FAM181B: variants seen among roughly 807,000 people sequenced by gnomAD.
FAM181B encodes the protein protein FAM181B.
Under a neutral mutation model 17.8 loss-of-function variants are expected in FAM181B, and 13 were observed. The observed-to-expected ratio is 0.73, with a 90% CI of 0.48 to 1.16. The LOEUF (loss-of-function observed/expected upper bound fraction) is 1.16, where lower values mean the gene tolerates loss of function less well. Among genes scored for constraint, FAM181B ranks in the 50% most tolerant of loss-of-function variants. The probability of loss-of-function intolerance (pLI) is 0.00; values close to 1 mark genes in which losing one functional copy is unlikely to be tolerated. For missense variants in FAM181B, 725 were observed against 634.1 expected (o/e 1.14, Z -1.54); for synonymous variants, 338 against 316.5 (o/e 1.07, Z -0.72).
In FAM181B at chr11:82,732,440, G is replaced by A; in HGVS notation, c.*9C>T. On this transcript the variant is annotated 3_prime_UTR_variant, in exon 1 of 1. Coordinates refer to ENST00000329203, the MANE Select transcript of FAM181B (RefSeq NM_175885.4). ...AGCCGTCTCTAATGAAGGGAAGCGT[G>A]CCTCGAAGTCAGTCCCGGTGCGCCC... 6.2e-7 allele frequency: 1 copy of A among 1,611,850 alleles called. No homozygotes were observed. The highest frequency in any genetic ancestry group is 8.5e-7 in the Non-Finnish European group (1 of 1,179,330).
Position 82,732,443 on chromosome 11 carries a change from T to C in FAM181B, c.*6A>G. 1 of 1,612,242 alleles carries C rather than the reference T, an allele frequency of 6.2e-7. No individual in the cohort carries two copies. On this transcript the variant is annotated 3_prime_UTR_variant, in exon 1 of 1. Transcript: ENST00000329203. ...CGTCTCTAATGAAGGGAAGCGTGCCTCGAAGTCAGTCCCGGTGCGCCCCCT... is the reference window on the plus strand; with the variant it reads ...CGTCTCTAATGAAGGGAAGCGTGCCCCGAAGTCAGTCCCGGTGCGCCCCCT...
Position 82,733,837 on chromosome 11 carries a change from A to C in FAM181B, c.-108T>G. ...CGGCGCGGCGCGCGCGGCGCAGCCTACTAGTTCCGGGCCTGGCTCGCTGCG... is the reference window on the plus strand; with the variant it reads ...CGGCGCGGCGCGCGCGGCGCAGCCTCCTAGTTCCGGGCCTGGCTCGCTGCG... On this transcript the variant is annotated 5_prime_UTR_variant, in exon 1 of 1. Coordinates refer to ENST00000329203, the MANE Select transcript of FAM181B (RefSeq NM_175885.4). 1 of 944,702 alleles carries C rather than the reference A, an allele frequency of 1.1e-6. No homozygotes were observed. Among genetic ancestry groups the C allele is most frequent in the Non-Finnish European group, 1.3e-6 (1 of 746,396 alleles). The allele number at this position is 944,702 out of a possible 1,614,324, so 58.5% of individuals were successfully genotyped here. A position where few individuals can be genotyped will look rare whatever the true frequency, so the allele number is the denominator to read the frequency against.
At position 82,732,293 on chromosome 11, in the gene FAM181B, T is replaced by A. The variant is rs1313610008; in HGVS notation, c.*156A>T. The A allele has an allele frequency of 9.8e-6, 7 of 713,488 alleles. No individual in the cohort carries two copies. The highest frequency in any genetic ancestry group is 1.4e-5 in the Non-Finnish European group (6 of 433,910). 44.2% of individuals were successfully genotyped at this position (713,488 alleles called of 1,614,324 possible). On this transcript the variant is annotated 3_prime_UTR_variant, in exon 1 of 1. Transcript: ENST00000329203. ...TTAAACAATCCCCAACTCGTCTTCATCTCTTTTTTCTGAAGTTGCTTTTAT... is the reference window on the plus strand; with the variant it reads ...TTAAACAATCCCCAACTCGTCTTCAACTCTTTTTTCTGAAGTTGCTTTTAT...
Position 82,733,700 on chromosome 11 carries a change from C to A in FAM181B, c.30G>T (p.Thr10=). 6.8e-7 allele frequency: 1 copy of A among 1,472,492 alleles called. No homozygotes were observed. Among genetic ancestry groups the A allele is most frequent in the South Asian group, 1.3e-5 (1 of 76,686 alleles). 91.2% of individuals were successfully genotyped at this position (1,472,492 alleles called of 1,614,324 possible). ...CGAAGCCGAAGGGCACGAAAGGGTG[C>A]GTGCTGAGGAGCGCCGCCTGCACCG... MAVQAALLS[T]HPFVPFGFGG... Residue 10 remains threonine, a synonymous_variant, in exon 1 of 1, where the codon ACG becomes ACT. Coordinates refer to ENST00000329203, the MANE Select transcript of FAM181B (RefSeq NM_175885.4).
Position 82,733,247 on chromosome 11 carries a change from T to C in FAM181B, c.483A>G (p.Gln161=). The change falls in exon 1 of 1, where the codon CAA becomes CAG. Residue 161 remains glutamine, a synonymous_variant. Transcript: ENST00000329203. The part of the protein sequence containing the change: ...ASQAAAAASL[Q]SRSLAALFDS... ...CGAAGAGCGCGGCCAGACTTCGGCT[T>C]TGCAAGCTGGCGGCCGCGGCGGCCT... 5 of 1,237,118 alleles carry C rather than the reference T, an allele frequency of 4.0e-6. No individual in the cohort carries two copies. The highest frequency in any genetic ancestry group is 5.0e-6 in the Non-Finnish European group (5 of 992,358). 76.6% of individuals were successfully genotyped at this position (1,237,118 alleles called of 1,614,324 possible).
Position 82,733,809 on chromosome 11 carries a change from C to A in FAM181B, c.-80G>T. The A allele has an allele frequency of 8.7e-7, 1 of 1,144,926 alleles. No individual in the cohort carries two copies. 70.9% of individuals were successfully genotyped at this position (1,144,926 alleles called of 1,614,324 possible). A position where few individuals can be genotyped will look rare whatever the true frequency, so the allele number is the denominator to read the frequency against. On this transcript the variant is annotated 5_prime_UTR_variant, in exon 1 of 1. Transcript: ENST00000329203. The stretch of plus-strand genomic sequence containing the variant: ...GCCCGCCGCCCAGACCCAGCTCCCG[C>A]CCCGGCGCGGCGCGCGCGGCGCAGC...
rs1276167535 is a variant in FAM181B at position 82,731,150 on chromosome 11, T to A, written c.*1299A>T. ...CCCCAAATCTCCCTCGGACAACAGATCATACTCCTCCCTGCAGAGCCCCTT... is the reference window on the plus strand; with the variant it reads ...CCCCAAATCTCCCTCGGACAACAGAACATACTCCTCCCTGCAGAGCCCCTT... On this transcript the variant is annotated 3_prime_UTR_variant, in exon 1 of 1. Transcript: ENST00000329203. 6.6e-6 allele frequency: 1 copy of A among 152,266 alleles called. No individual in the cohort carries two copies. The highest frequency in any genetic ancestry group is 1.5e-5 in the Non-Finnish European group (1 of 68,076). 9.4% of individuals were successfully genotyped at this position (152,266 alleles called of 1,614,324 possible).
At position 82,733,100 on chromosome 11, in the gene FAM181B, C is replaced by T. The variant is rs1160190661; in HGVS notation, c.630G>A (p.Gly210=). ...TCCTGGCCCCTGGGATCGCCGTGGC[C>T]CCCGCGGGGCCTGCCACGTCCCCTC... ...GAGGDVAGPA[G]ATAIPGARKV... Residue 210 remains glycine, a synonymous_variant, in exon 1 of 1, where the codon GGG becomes GGA. Transcript: ENST00000329203. The T allele has an allele frequency of 6.7e-7, 1 of 1,488,554 alleles. No homozygotes were observed. Among genetic ancestry groups the T allele is most frequent in the East Asian group, 2.9e-5 (1 of 34,956 alleles). The allele number at this position is 1,488,554 out of a possible 1,614,324, so 92.2% of individuals were successfully genotyped here.
rs1285493551 is a variant in FAM181B at position 82,730,542 on chromosome 11, A to G, written c.*1907T>C. 1 of 152,248 alleles carries G rather than the reference A, an allele frequency of 6.6e-6. No individual in the cohort carries two copies. Among genetic ancestry groups the G allele is most frequent in the Non-Finnish European group, 1.5e-5 (1 of 68,042 alleles). 9.4% of individuals were successfully genotyped at this position (152,248 alleles called of 1,614,324 possible). On this transcript the variant is annotated 3_prime_UTR_variant, in exon 1 of 1. Coordinates refer to ENST00000329203, the MANE Select transcript of FAM181B (RefSeq NM_175885.4). ...ACAAATTAAATCGTTATTAAGTAATATTCTGTTAGCACAATGGAATTAATC... is the reference window on the plus strand; with the variant it reads ...ACAAATTAAATCGTTATTAAGTAATGTTCTGTTAGCACAATGGAATTAATC...
Position 82,733,110 on chromosome 11 carries a change from C to G in FAM181B, c.620G>C (p.Gly207Ala). 1 of 1,473,726 alleles carries G rather than the reference C, an allele frequency of 6.8e-7. No individual in the cohort carries two copies. The highest frequency in any genetic ancestry group is 8.9e-7 in the Non-Finnish European group (1 of 1,122,216). The allele number at this position is 1,473,726 out of a possible 1,614,324, so 91.3% of individuals were successfully genotyped here. Reference sequence around the variant, plus strand: ...TGGGATCGCCGTGGCCCCCGCGGGGCCTGCCACGTCCCCTCCCGCGCCCCC... The same window carrying G: ...TGGGATCGCCGTGGCCCCCGCGGGGGCTGCCACGTCCCCTCCCGCGCCCCC... ...GTGGAGGDVA[G>A]PAGATAIPGA... Residue 207 changes from glycine (G) to alanine (A), a missense_variant, in exon 1 of 1, where the codon GGC becomes GCC. Gly to Ala is a moderately conservative substitution (Grantham distance 60, BLOSUM62 0). Coordinates refer to ENST00000329203, the MANE Select transcript of FAM181B (RefSeq NM_175885.4).
At position 82,733,005 on chromosome 11, in the gene FAM181B, C is replaced by A. The variant is rs768480760; in HGVS notation, c.725G>T (p.Gly242Val). 9.1e-6 allele frequency: 14 copies of A among 1,546,630 alleles called. No individual in the cohort carries two copies. The African/African-American group carries it at 1.1e-4, about 12-fold the overall frequency. The change falls in exon 1 of 1, where the codon GGG (glycine) becomes GTG (valine). Residue 242 changes from glycine to valine, a missense_variant. Transcript: ENST00000329203. ...FTEPSRAGGGGCGPSGPDVSL... is the reference protein window; with the variant it reads ...FTEPSRAGGGVCGPSGPDVSL... ...CACGTCCGGCCCCGACGGGCCACACCCGCCGCCGCCTGCCCGGGACGGCTC... is the reference window on the plus strand; with the variant it reads ...CACGTCCGGCCCCGACGGGCCACACACGCCGCCGCCTGCCCGGGACGGCTC...
rs748478892 is a variant in FAM181B, at chr11:82,732,406, G to A, written c.*43C>T. 6.4e-7 allele frequency: 1 copy of A among 1,567,678 alleles called. No individual in the cohort carries two copies. The highest frequency in any genetic ancestry group is 1.1e-5 in the South Asian group (1 of 88,068). On this transcript the variant is annotated 3_prime_UTR_variant, in exon 1 of 1. Transcript: ENST00000329203. ...TAGGAGAAACCCACGGAGGCGCGGC[G>A]CTCTCCACAGCCGTCTCTAATGAAG...
chr11:82,732,983 G>C lies in FAM181B; in HGVS notation c.747C>G (p.Asp249Glu), dbSNP rs537549628. 82 of 1,563,354 alleles carry C rather than the reference G, an allele frequency of 5.2e-5. 3 individuals are homozygous for C. The South Asian group carries it at 9.2e-4, about 18-fold the overall frequency. ...GGGGCGPSGP[D>E]VSLGDLEKGA... The stretch of plus-strand genomic sequence containing the variant: ...CCTTCTCCAGGTCGCCCAAGCTCAC[G>C]TCCGGCCCCGACGGGCCACACCCGC... The change falls in exon 1 of 1, where the codon GAC becomes GAG. Residue 249 changes from aspartate to glutamate, a missense_variant. Transcript: ENST00000329203.
Position 82,732,882 on chromosome 11 carries a change from G to A in FAM181B, c.848C>T (p.Ala283Val), listed in dbSNP as rs777584880. ...GAGTEAAVLL[A>V]AEPLDVFPAG... Reference sequence around the variant, plus strand: ...GGGGAACACGTCGAGAGGCTCGGCGGCAAGCAAGACTGCCGCCTCCGTGCC... The same window carrying A: ...GGGGAACACGTCGAGAGGCTCGGCGACAAGCAAGACTGCCGCCTCCGTGCC... The change falls in exon 1 of 1, where the codon GCC becomes GTC. Residue 283 changes from alanine to valine, a missense_variant. Coordinates refer to ENST00000329203, the MANE Select transcript of FAM181B (RefSeq NM_175885.4). 5.2e-6 allele frequency: 8 copies of A among 1,539,624 alleles called. No homozygotes were observed. The highest frequency in any genetic ancestry group is 7.0e-6 in the Non-Finnish European group (8 of 1,145,078).
Position 82,732,411 on chromosome 11 carries a change from C to T in FAM181B, c.*38G>A. ...GAAACCCACGGAGGCGCGGCGCTCT[C>T]CACAGCCGTCTCTAATGAAGGGAAG... is the stretch of plus-strand genomic sequence containing the variant. On this transcript the variant is annotated 3_prime_UTR_variant, in exon 1 of 1. Coordinates refer to ENST00000329203, the MANE Select transcript of FAM181B (RefSeq NM_175885.4). The T allele has an allele frequency of 6.2e-7, 1 of 1,600,066 alleles. No homozygotes were observed. Among genetic ancestry groups the T allele is most frequent in the Non-Finnish European group, 8.5e-7 (1 of 1,170,860 alleles).
chr11:82,732,365 C>T lies in FAM181B; in HGVS notation c.*84G>A. 5 of 1,303,656 alleles carry T rather than the reference C, an allele frequency of 3.8e-6. No homozygotes were observed. Among genetic ancestry groups the T allele is most frequent in the South Asian group, 1.4e-5 (1 of 70,014 alleles). The allele number at this position is 1,303,656 out of a possible 1,614,324, so 80.8% of individuals were successfully genotyped here. ...GGTTTCATCTCCACGTGCATTTTCC[C>T]ATCGTTCTTCAGATTTAGGAGAAAC... On this transcript the variant is annotated 3_prime_UTR_variant, in exon 1 of 1. Transcript: ENST00000329203.
At position 82,730,399 on chromosome 11, in the gene FAM181B, A is replaced by G. The variant is rs975941337; in HGVS notation, c.*2050T>C. 2 of 152,236 alleles carry G rather than the reference A, an allele frequency of 1.3e-5. No homozygotes were observed. Among genetic ancestry groups the G allele is most frequent in the Non-Finnish European group, 2.9e-5 (2 of 68,048 alleles). 9.4% of individuals were successfully genotyped at this position (152,236 alleles called of 1,614,324 possible). A position where few individuals can be genotyped will look rare whatever the true frequency, so the allele number is the denominator to read the frequency against. ...AACCTGTTTTACTACACTAGGTAAGAAAGGAGAGGAGAATTAAGAAACATT... is the reference window on the plus strand; with the variant it reads ...AACCTGTTTTACTACACTAGGTAAGGAAGGAGAGGAGAATTAAGAAACATT... On this transcript the variant is annotated 3_prime_UTR_variant, in exon 1 of 1. Transcript: ENST00000329203.
Position 82,733,081 on chromosome 11 carries a change from C to A in FAM181B, c.649G>T (p.Ala217Ser). 2 of 1,509,814 alleles carry A rather than the reference C, an allele frequency of 1.3e-6. No homozygotes were observed. Among genetic ancestry groups the A allele is most frequent in the Non-Finnish European group, 1.8e-6 (2 of 1,139,926 alleles). 93.5% of individuals were successfully genotyped at this position (1,509,814 alleles called of 1,614,324 possible). A position where few individuals can be genotyped will look rare whatever the true frequency, so the allele number is the denominator to read the frequency against. The change falls in exon 1 of 1, where the codon GCC becomes TCC. Residue 217 changes from alanine to serine, a missense_variant. Coordinates refer to ENST00000329203, the MANE Select transcript of FAM181B (RefSeq NM_175885.4). ...CGTGCCCGCAGCGGGACCTTCCTGG[C>A]CCCTGGGATCGCCGTGGCCCCCGCG... ...GPAGATAIPG[A>S]RKVPLRARNL...
In FAM181B at chr11:82,732,581, G is replaced by C; in HGVS notation, c.1149C>G (p.Pro383=). ...ACACCTGATGGGGCGGCGGCGGCGG[G>C]GGCAGGGCGCAGTCTGGAAAGAAGG... The part of the protein sequence containing the change: ...FAPFFPDCAL[P]PPPPPHQVSY... Residue 383 remains proline (P), a synonymous_variant, in exon 1 of 1, where the codon CCC becomes CCG. Transcript: ENST00000329203. 3 of 1,604,134 alleles carry C rather than the reference G, an allele frequency of 1.9e-6. No individual in the cohort carries two copies. The highest frequency in any genetic ancestry group is 2.6e-6 in the Non-Finnish European group (3 of 1,175,872).
Sources: gnomAD v4.1 joint callset for allele counts on GRCh38, gnomAD v4.1.1 for gene constraint, MANE v1.5 for transcripts, NCBI Gene and HGNC (gene_info 2026-07-23, HGNC 2026-07-21) for gene names.